Variants in IPO7 observed in about 807,000 individuals in gnomAD.
IPO7 encodes the protein importin 7, also known as importin-7.
IPO7 carries 13 observed loss-of-function variants against 136.4 expected under a neutral mutation model. The observed-to-expected ratio is 0.10, with a 90% CI of 0.06 to 0.15. The LOEUF is 0.15. IPO7 is among the 10% of genes least tolerant of loss of function. The probability of loss-of-function intolerance (pLI) is 1.00; values close to 1 mark genes in which losing one functional copy is unlikely to be tolerated. For synonymous variants in IPO7, 403 were observed against 404.4 expected (o/e 1.00, Z 0.04); for missense variants, 857 against 1,240.6 (o/e 0.69, Z 4.65).
In IPO7 at chr11:9,447,147, A is replaced by C. The variant is rs1050738997; in HGVS notation, c.*1953A>C. 2.2e-4 allele frequency: 34 copies of C among 152,206 alleles called. No homozygotes were observed. Among genetic ancestry groups the C allele is most frequent in the African/African-American group, 8.0e-4 (33 of 41,468 alleles). The allele number at this position is 152,206 out of a possible 1,614,324, so 9.4% of individuals were successfully genotyped here. The stretch of plus-strand genomic sequence containing the variant: ...CCCCTAATACCTAGTCTACTTTTTA[A>C]ATTTTCAGACTTCACTGCTTTTTGA... On this transcript the variant is annotated 3_prime_UTR_variant, in exon 25 of 25. Coordinates refer to ENST00000379719, the MANE Select transcript of IPO7 (RefSeq NM_006391.3).
intron 22 of IPO7, among the ~76,000 whole-genome samples, chr11:9,438,557 G>A (rs536440440): frequency 3.3e-5 from 5 of 151,984 alleles, no homozygotes; most frequent in South Asian, 2.1e-4. Flanking sequence ...CCCATGAGGC[G>A]GAGGTTGCAG....
rs1196479447 is a variant in IPO7, at chr11:9,446,352, AC to A, written c.*1161del. 6.6e-6 allele frequency: 1 copy of A among 151,930 alleles called. No homozygotes were observed. The highest frequency in any genetic ancestry group is 2.4e-5 in the African/African-American group (1 of 41,252). The allele number at this position is 151,930 out of a possible 1,614,324, so 9.4% of individuals were successfully genotyped here. Reference sequence around the variant, plus strand: ...TTTACAAAATTGATATTTAACACTTACCCACTCCCCTTTCCCCATCTCTTCT... The same window carrying A: ...TTTACAAAATTGATATTTAACACTTACCACTCCCCTTTCCCCATCTCTTCT... On this transcript the variant is annotated 3_prime_UTR_variant, in exon 25 of 25. Coordinates refer to ENST00000379719, the MANE Select transcript of IPO7 (RefSeq NM_006391.3).
chr11:9,417,748 T>C (rs1287694253), intron 6 of IPO7, among the ~76,000 whole-genome samples: 1 of 151,782 alleles, frequency 6.6e-6, no homozygotes, highest in Non-Finnish European at 1.5e-5. Flanking sequence ...GTTTCGCTCT[T>C]GTTGCCTAGG....
chr11:9,398,839 C>G (rs1854752482), intron 1 of IPO7, among the ~76,000 whole-genome samples: 1 of 152,160 alleles, frequency 6.6e-6, no homozygotes, highest in Non-Finnish European at 1.5e-5. Context: ...CTAGTTCTAT[C>G]TAGCTGTGAT....
chr11:9,439,119 G>A (rs1855425242), intron 22 of IPO7, among the ~76,000 whole-genome samples: 1 of 151,708 alleles, frequency 6.6e-6, no homozygotes. Context: ...TTGTTTTTTG[G>A]CTTTTTTTCC....
intron 9 of IPO7, 125 bp downstream of exon 9, chr11:9,423,265 T>G: frequency 1.7e-6 from 1 of 572,996 alleles, no homozygotes; most frequent in South Asian, 3.3e-5. Context: ...GTGATTGTTT[T>G]GAGAGTATAG....
rs189015584 is a variant in IPO7, at chr11:9,420,298, A to C, written c.727-113A>C. The C allele has an allele frequency of 2.1e-5, 14 of 674,038 alleles. No individual in the cohort carries two copies. The Admixed American group carries it at 2.6e-4, about 13-fold the overall frequency. The allele number at this position is 674,038 out of a possible 1,614,324, so 41.8% of individuals were successfully genotyped here. On this transcript the variant is annotated intron_variant, in intron 6 of 24. Coordinates refer to ENST00000379719, the MANE Select transcript of IPO7 (RefSeq NM_006391.3). ...CAATAGAGCAAGACTCCATCTCAAA[A>C]AAAAAAAGGCCAGCATTAGTGAAGC...
chr11:9,432,912 A>G (rs1855316849), intron 16 of IPO7, among the ~76,000 whole-genome samples: 1 of 151,742 alleles, frequency 6.6e-6, no homozygotes, highest in African/African-American at 2.4e-5. Context: ...TCTGTGAGTC[A>G]TTGACGGTGA....
At chr11:9,434,662 G>A (rs574549444) in intron 18 of IPO7, among the ~76,000 whole-genome samples, 12 of 152,244 alleles carry the variant, frequency 7.9e-5, no homozygotes, top group African/African-American at 2.6e-4. Context: ...GCGAGGTGGC[G>A]TGTGCCTATA....
At chr11:9,403,224 CTT>C (rs1854826981) in intron 1 of IPO7, 64 bp from the exon 2 acceptor site, 1 of 1,104,238 alleles carries the variant, frequency 9.1e-7, no homozygotes, top group Non-Finnish European at 1.4e-6. Context: ...ATTGGAGCCT[CTT>C]TGATCTGTAA....
chr11:9,432,346 C>T (rs561250449), intron 16 of IPO7, among the ~76,000 whole-genome samples: 151 of 151,954 alleles, frequency 9.9e-4, no homozygotes, highest in Admixed American at 2.8e-3. Context: ...GGAGTGCAGG[C>T]GCGCACCACC....
chr11:9,442,582 T>C (rs1274816198), intron 24 of IPO7, among the ~76,000 whole-genome samples: 1 of 152,010 alleles, frequency 6.6e-6, no homozygotes, highest in African/African-American at 2.4e-5. Context: ...CCTGGCTAAT[T>C]TTTTGTATTT....
Position 9,432,989 on chromosome 11 carries a change from G to GTTTTTTTTTTTTTTTTTTTTTTTTTTTTT in IPO7, c.1882-565_1882-564insTTTTTTTTTTTTTTTTTTTTTTTTTTTTT, listed in dbSNP as rs397953468. The GTTTTTTTTTTTTTTTTTTTTTTTTTTTTT allele has an allele frequency of 3.0e-4, 37 of 123,236 alleles. 1 individual carries two copies. Among genetic ancestry groups the GTTTTTTTTTTTTTTTTTTTTTTTTTTTTT allele is most frequent in the African/African-American group, 9.9e-4 (34 of 34,340 alleles). The allele number at this position is 123,236 out of a possible 1,614,324, so 7.6% of individuals were successfully genotyped here. A position where few individuals can be genotyped will look rare whatever the true frequency, so the allele number is the denominator to read the frequency against. ...TAACAGATGGGCTATCTTCCAAATG[G>GTTTTTTTTTTTTTTTTTTTTTTTTTTTTT]TTTTTTTTTTTTTTTTGAGATGGAG... On this transcript the variant is annotated intron_variant, in intron 16 of 24. Transcript: ENST00000379719.
intron 12 of IPO7, among the ~76,000 whole-genome samples, chr11:9,425,971 G>A (rs1163959021): frequency 6.6e-6 from 1 of 151,940 alleles, no homozygotes; most frequent in Non-Finnish European, 1.5e-5. Context: ...ACTTGAACTT[G>A]GGAGGCGGAG....
chr11:9,437,665 T>C, intron 20 of IPO7, 89 bp from the exon 21 acceptor site: 1 of 906,940 alleles, frequency 1.1e-6, no homozygotes. Flanking sequence ...ACAATAGGGT[T>C]AATTGAGGCA....
intron 4 of IPO7, among the ~76,000 whole-genome samples, chr11:9,412,568 C>G (rs963415264): frequency 6.6e-6 from 1 of 152,168 alleles, no homozygotes; most frequent in African/African-American, 2.4e-5. Flanking sequence ...GTAATCCCAA[C>G]ACTTTGGGAA....
At chr11:9,400,399 C>G (rs984350668) in intron 1 of IPO7, among the ~76,000 whole-genome samples, 34 of 151,930 alleles carry the variant, frequency 2.2e-4, no homozygotes, top group African/African-American at 8.0e-4. Flanking sequence ...GGCATAATGT[C>G]TTATAGCACA....
chr11:9,389,655 G>A (rs188096693), intron 1 of IPO7, among the ~76,000 whole-genome samples: 6 of 152,194 alleles, frequency 3.9e-5, no homozygotes, highest in African/African-American at 1.2e-4. Context: ...TGTTATATTC[G>A]CAGTCAAGAA....
intron 1 of IPO7, among the ~76,000 whole-genome samples, chr11:9,397,559 A>G (rs934454343): frequency 1.3e-5 from 2 of 150,820 alleles, no homozygotes; most frequent in African/African-American, 4.9e-5. Flanking sequence ...TGGCTTCCAA[A>G]CATAAACCAA....
Sources: gnomAD v4.1 joint callset for allele counts (sites outside exome capture counted in the v4.1 genomes callset) on GRCh38, gnomAD v4.1.1 for gene constraint, MANE v1.5 for transcripts, NCBI Gene and HGNC (gene_info 2026-07-23, HGNC 2026-07-21) for gene names.